Variants in STARD13 observed in about 807,000 individuals in gnomAD.
The protein encoded by STARD13 is StAR related lipid transfer domain containing 13.
Under a neutral mutation model 106.4 loss-of-function variants are expected in STARD13, and 62 were observed. That is an observed-to-expected ratio of 0.58 (90% CI 0.48 to 0.72). STARD13 has a LOEUF of 0.72. STARD13 is among the 30% of genes least tolerant of loss of function. STARD13 has a pLI of 0.00. For missense variants in STARD13, 1,387 were observed against 1,424.0 expected, an observed-to-expected ratio of 0.97 and a Z score of 0.42; for synonymous variants, 565 against 553.0, an observed-to-expected ratio of 1.02 and a Z score of -0.31.
chr13:33,210,269 T>C (rs143526444), intron 1 of STARD13, among the ~76,000 whole-genome samples: 1 of 152,292 alleles, frequency 6.6e-6, no homozygotes, highest in African/African-American at 2.4e-5. Context: ...GCAGACAATT[T>C]GCAAATTCCG....
chr13:33,612,507 GCCC>G, the STARD13 span, among the ~76,000 whole-genome samples: 1 of 152,132 alleles, frequency 6.6e-6, no homozygotes, highest in East Asian at 1.9e-4. Context: ...CCTCCTGGAA[GCCC>G]CTACTCCCTG....
At chr13:33,568,020 A>G in the STARD13 span, among the ~76,000 whole-genome samples, 2 of 143,290 alleles carry the variant, frequency 1.4e-5, 1 homozygote. Context: ...GGATAATGGT[A>G]TTTAGGGATT....
chr13:33,231,497 C>T (rs1888919545), intron 1 of STARD13, among the ~76,000 whole-genome samples: 1 of 152,100 alleles, frequency 6.6e-6, no homozygotes, highest in Non-Finnish European at 1.5e-5. Flanking sequence ...ATTAGAGAAC[C>T]CTACATTATG....
the STARD13 span, among the ~76,000 whole-genome samples, chr13:33,579,960 T>G: frequency 6.6e-6 from 1 of 152,192 alleles, no homozygotes. Flanking sequence ...TCATTGCTGA[T>G]GGAAACGCAA....
the STARD13 span, among the ~76,000 whole-genome samples, chr13:33,394,783 A>G: frequency 6.6e-6 from 1 of 152,260 alleles, no homozygotes; most frequent in African/African-American, 2.4e-5. Flanking sequence ...AAAAGGAAAA[A>G]CCACACAACA....
intron 1 of STARD13, among the ~76,000 whole-genome samples, chr13:33,267,606 TGTGA>T (rs551456735): frequency 3.9e-5 from 6 of 152,224 alleles, no homozygotes; most frequent in African/African-American, 9.6e-5. Context: ...CAAACAATCT[TGTGA>T]GTGAGTGAGT....
intron 6 of STARD13, 34 bp from the exon 7 acceptor site, chr13:33,126,274 C>G: frequency 6.2e-7 from 1 of 1,608,486 alleles, no homozygotes; most frequent in Non-Finnish European, 8.5e-7. Context: ...ATGCAAGCCT[C>G]CTGGGTCACA....
At chr13:33,125,960 T>G in intron 7 of STARD13, 121 bp downstream of exon 7, 1 of 983,306 alleles carries the variant, frequency 1.0e-6, no homozygotes, top group Non-Finnish European at 1.5e-6. Flanking sequence ...CACAATGCCT[T>G]TTATTTTTGG....
chr13:33,309,563 G>T (rs771934561), intron 1 of STARD13, among the ~76,000 whole-genome samples: 4 of 152,170 alleles, frequency 2.6e-5, no homozygotes, highest in Admixed American at 6.5e-5. Context: ...AAGGAGGAGA[G>T]AGGAGAGAGA....
At chr13:33,125,822 A>G (rs1359822538) in intron 7 of STARD13, among the ~76,000 whole-genome samples, 1 of 152,340 alleles carries the variant, frequency 6.6e-6, no homozygotes, top group East Asian at 1.9e-4. Context: ...TGCAAATTAG[A>G]CATCCCAGGA....
intron 1 of STARD13, among the ~76,000 whole-genome samples, chr13:33,215,466 T>G (rs929963428): frequency 1.3e-5 from 2 of 152,238 alleles, no homozygotes; most frequent in Admixed American, 1.3e-4. Context: ...AATGACTTAT[T>G]TTTTACACTG....
At chr13:33,651,129 A>T in the STARD13 span, among the ~76,000 whole-genome samples, 4 of 152,256 alleles carry the variant, frequency 2.6e-5, no homozygotes, top group African/African-American at 9.6e-5. Context: ...TTACTAAGCA[A>T]CTTCCTTATT....
the STARD13 span, among the ~76,000 whole-genome samples, chr13:33,557,868 G>A: frequency 1.3e-5 from 2 of 152,130 alleles, no homozygotes; most frequent in Admixed American, 1.3e-4. Context: ...GAGAATTTAG[G>A]GAGAACGAGA....
At chr13:33,317,642 T>G (rs753694148) in intron 1 of STARD13, among the ~76,000 whole-genome samples, 3 of 152,188 alleles carry the variant, frequency 2.0e-5, no homozygotes, top group Non-Finnish European at 4.4e-5. Context: ...ATAAGAACCC[T>G]ACACTCACTT....
the STARD13 span, among the ~76,000 whole-genome samples, chr13:33,597,769 G>A: frequency 3.3e-5 from 5 of 151,772 alleles, no homozygotes; most frequent in African/African-American, 4.8e-5. Flanking sequence ...CAGGAGAATC[G>A]TTTGAATCTG....
the STARD13 span, among the ~76,000 whole-genome samples, chr13:33,446,096 G>C: frequency 6.6e-6 from 1 of 152,096 alleles, no homozygotes; most frequent in Admixed American, 6.6e-5. Context: ...GAGTCATTTT[G>C]ACAAGACAGT....
chr13:33,417,875 A>C, the STARD13 span, among the ~76,000 whole-genome samples: 2 of 152,148 alleles, frequency 1.3e-5, no homozygotes, highest in African/African-American at 4.8e-5. Context: ...AACTCTGTGA[A>C]TATACTAAAA....
At chr13:33,672,151 A>C in the STARD13 span, among the ~76,000 whole-genome samples, 1 of 152,230 alleles carries the variant, frequency 6.6e-6, no homozygotes, top group African/African-American at 2.4e-5. Context: ...GATAAAGAAA[A>C]TGTGGCACAT....
At chr13:33,397,983 G>T in the STARD13 span, among the ~76,000 whole-genome samples, 1 of 152,204 alleles carries the variant, frequency 6.6e-6, no homozygotes, top group East Asian at 1.9e-4. Context: ...TGGGGATAAG[G>T]ATTTCAGCAT....
Sources: gnomAD v4.1 joint callset for allele counts (sites outside exome capture counted in the v4.1 genomes callset) on GRCh38, gnomAD v4.1.1 for gene constraint, MANE v1.5 for transcripts, NCBI Gene and HGNC (gene_info 2026-07-23, HGNC 2026-07-21) for gene names.